The following ELMO1 variants were observed in gnomAD, a reference collection of about 807,000 sequenced individuals.
ELMO1 encodes the protein engulfment and cell motility 1.
ELMO1 carries 26 observed loss-of-function variants against 98.9 expected under a neutral mutation model. The observed-to-expected ratio is 0.26, with a 90% CI of 0.19 to 0.36. The LOEUF (loss-of-function observed/expected upper bound fraction) is 0.36, where lower values mean the gene tolerates loss of function less well. Ranked by LOEUF, ELMO1 falls within the 10% of genes least tolerant of loss-of-function variation. ELMO1 has a pLI of 1.00. For synonymous variants in ELMO1, 346 were observed against 346.0 expected (o/e 1.00, Z 0.00); for missense variants, 627 against 935.2 (o/e 0.67, Z 4.30).
intron 16 of ELMO1, among the ~76,000 whole-genome samples, chr7:36,967,066 C>G (rs781070650): frequency 1.3e-5 from 2 of 152,226 alleles, no homozygotes; most frequent in Admixed American, 6.5e-5. Flanking sequence ...AGTCTTTTCA[C>G]AAGTGTTCAC....
In ELMO1 at chr7:37,138,754, A is replaced by G. The variant is rs572354898; in HGVS notation, c.1087-5520T>C. 9.3e-4 allele frequency among the ~76,000 whole-genome samples: 142 copies of G among 152,284 alleles called. 1 individual carries two copies. Among genetic ancestry groups the G allele is most frequent in the African/African-American group, 3.2e-3 (135 of 41,568 alleles). On this transcript the variant is annotated intron_variant, in intron 13 of 21. Transcript: ENST00000310758. ...CAGTATCATCTTAATACCAAAAACC[A>G]GGGAAGGACATCATAAAAAAAGAAA... is the stretch of plus-strand genomic sequence containing the variant.
intron 16 of ELMO1, among the ~76,000 whole-genome samples, chr7:36,897,332 G>GCA (rs1185489760): frequency 1.4e-5 from 2 of 141,048 alleles, no homozygotes; most frequent in African/African-American, 5.3e-5. Flanking sequence ...AGACGTGTGT[G>GCA]TGTGTGTGTG....
chr7:37,319,590 C>G (rs934888685), intron 2 of ELMO1, among the ~76,000 whole-genome samples: 26 of 152,294 alleles, frequency 1.7e-4, no homozygotes, highest in African/African-American at 6.0e-4. Flanking sequence ...CAATCAACTG[C>G]TTCCCTAGCG....
chr7:36,921,376 C>T (rs532167934), intron 16 of ELMO1, among the ~76,000 whole-genome samples: 2 of 152,236 alleles, frequency 1.3e-5, no homozygotes, highest in East Asian at 3.9e-4. Flanking sequence ...CCTCTCTTGG[C>T]CTTAGTTGCT....
At chr7:37,029,068 C>T (rs545396771) in intron 15 of ELMO1, among the ~76,000 whole-genome samples, 43 of 152,100 alleles carry the variant, frequency 2.8e-4, no homozygotes, top group African/African-American at 9.4e-4. Context: ...GTGACTTGCC[C>T]GAGTCACACA....
chr7:37,103,926 G>A (rs996323182), intron 14 of ELMO1, among the ~76,000 whole-genome samples: 1 of 141,188 alleles, frequency 7.1e-6, no homozygotes, highest in Non-Finnish European at 1.5e-5. Flanking sequence ...ATGGCATATG[G>A]CATGAACCCG....
At chr7:37,105,834 G>A (rs1395763047) in intron 14 of ELMO1, among the ~76,000 whole-genome samples, 1 of 152,180 alleles carries the variant, frequency 6.6e-6, no homozygotes, top group Non-Finnish European at 1.5e-5. Context: ...AAAATCCATA[G>A]AGAGAGAAGG....
intron 15 of ELMO1, among the ~76,000 whole-genome samples, chr7:37,082,252 T>C (rs532711908): frequency 6.6e-6 from 1 of 151,508 alleles, no homozygotes; most frequent in South Asian, 2.1e-4. Context: ...CATGGGAAAA[T>C]AGAGGGGGAG....
chr7:37,091,965 G>A (rs527514869), intron 15 of ELMO1, among the ~76,000 whole-genome samples: 8 of 152,194 alleles, frequency 5.3e-5, no homozygotes, highest in South Asian at 2.1e-4. Context: ...CCTATAACAC[G>A]TGGGAATTAT....
chr7:37,171,656 C>A (rs1790175191), intron 13 of ELMO1, among the ~76,000 whole-genome samples: 1 of 151,884 alleles, frequency 6.6e-6, no homozygotes, highest in Non-Finnish European at 1.5e-5. Context: ...CCATGCCCAG[C>A]TAATTTTTTG....
intron 6 of ELMO1, among the ~76,000 whole-genome samples, chr7:37,252,840 G>C (rs1045734728): frequency 5.3e-4 from 80 of 152,106 alleles, no homozygotes; most frequent in African/African-American, 1.8e-3. Flanking sequence ...ATCTGACAAA[G>C]GGTTAATATC....
At chr7:37,359,071 C>A (rs1467016076) in intron 1 of ELMO1, among the ~76,000 whole-genome samples, 1 of 152,154 alleles carries the variant, frequency 6.6e-6, no homozygotes, top group South Asian at 2.1e-4. Context: ...TAGGACTACT[C>A]CAAATAGAAG....
At chr7:37,278,113 CTTTTTT>C (rs36110041) in intron 4 of ELMO1, among the ~76,000 whole-genome samples, 64 of 85,596 alleles carry the variant, frequency 7.5e-4, no homozygotes, top group Middle Eastern at 0.012. Flanking sequence ...ATAGCTTTTC[CTTTTTT>C]TTTTTTTTTT....
intron 13 of ELMO1, among the ~76,000 whole-genome samples, chr7:37,164,296 A>T (rs1217271055): frequency 1.3e-5 from 2 of 151,988 alleles, no homozygotes; most frequent in African/African-American, 2.4e-5. Context: ...TTGCCTGTTC[A>T]CTCTGATGGT....
chr7:37,121,088 C>T (rs892182850), intron 14 of ELMO1, among the ~76,000 whole-genome samples: 2 of 152,184 alleles, frequency 1.3e-5, no homozygotes, highest in South Asian at 4.1e-4. Context: ...GGAAAACTAA[C>T]AAACAGAAAG....
intron 15 of ELMO1, among the ~76,000 whole-genome samples, chr7:37,036,753 T>C (rs537254936): frequency 3.0e-4 from 46 of 152,256 alleles, no homozygotes; most frequent in African/African-American, 1.0e-3. Context: ...GGGCCACACA[T>C]GTAGGTGCCG....
intron 15 of ELMO1, among the ~76,000 whole-genome samples, chr7:37,089,848 C>G (rs1335676351): frequency 1.3e-5 from 2 of 152,112 alleles, no homozygotes; most frequent in East Asian, 3.9e-4. Flanking sequence ...TATCTAACAT[C>G]CTGTGGTCAT....
At chr7:37,310,048 T>C (rs1288389636) in intron 4 of ELMO1, among the ~76,000 whole-genome samples, 1 of 152,146 alleles carries the variant, frequency 6.6e-6, no homozygotes, top group Non-Finnish European at 1.5e-5. Context: ...AGGGGCTGTC[T>C]GAGAACCCAG....
At chr7:37,273,610 T>C (rs781024857) in intron 4 of ELMO1, among the ~76,000 whole-genome samples, 7 of 152,210 alleles carry the variant, frequency 4.6e-5, no homozygotes, top group Non-Finnish European at 7.3e-5. Context: ...TAGAATTTCA[T>C]TGGTGGTTTT....
Sources: allele counts gnomAD v4.1 joint callset (sites outside exome capture counted in the v4.1 genomes callset), GRCh38; gene constraint gnomAD v4.1.1; transcripts MANE v1.5; gene names NCBI Gene and HGNC (gene_info 2026-07-23, HGNC 2026-07-21).